SEC24B: variants seen among roughly 807,000 people sequenced by gnomAD.
The protein encoded by SEC24B is SEC24 homolog B, COPII component.
Under a neutral mutation model 142.8 loss-of-function variants are expected in SEC24B, and 45 were observed. The observed-to-expected ratio is 0.32, with a 90% CI of 0.25 to 0.40. The LOEUF is 0.40. Ranked by LOEUF, SEC24B falls within the 10% of genes least tolerant of loss-of-function variation. The probability of loss-of-function intolerance (pLI) is 1.00; values close to 1 mark genes in which losing one functional copy is unlikely to be tolerated. For synonymous variants in SEC24B, 574 were observed against 568.2 expected (o/e 1.01, Z -0.15); for missense variants, 1,409 against 1,526.8 (o/e 0.92, Z 1.29).
At chr4:109,524,548 T>G (rs1724007201) in intron 14 of SEC24B, among the ~76,000 whole-genome samples, 1 of 152,174 alleles carries the variant, frequency 6.6e-6, no homozygotes, top group Non-Finnish European at 1.5e-5. Context: ...AGTTATTGCC[T>G]CAGTTTCTTC....
In SEC24B at chr4:109,540,834, A is replaced by T. The variant is rs1442332384; in HGVS notation, c.*1159A>T. Reference sequence around the variant, plus strand: ...GAGGCTGAGGTTGCAGTGAGCTAAGATCACGCCACTGCACTCCAGCCTGGG... The same window carrying T: ...GAGGCTGAGGTTGCAGTGAGCTAAGTTCACGCCACTGCACTCCAGCCTGGG... On this transcript the variant is annotated 3_prime_UTR_variant, in exon 24 of 24. Coordinates refer to ENST00000265175, the MANE Select transcript of SEC24B (RefSeq NM_006323.5). 6.6e-6 allele frequency: 1 copy of T among 152,044 alleles called. No homozygotes were observed. The highest frequency in any genetic ancestry group is 1.5e-5 in the Non-Finnish European group (1 of 68,060). The allele number at this position is 152,044 out of a possible 1,614,324, so 9.4% of individuals were successfully genotyped here.
At chr4:109,534,986 C>CT (rs2126104184) in intron 22 of SEC24B, among the ~76,000 whole-genome samples, 1 of 151,160 alleles carries the variant, frequency 6.6e-6, no homozygotes, top group African/African-American at 2.4e-5. Context: ...CCAGTTTGTT[C>CT]TTTTTTATGA....
At chr4:109,442,279 G>A (rs962686365) in intron 1 of SEC24B, among the ~76,000 whole-genome samples, 1 of 152,144 alleles carries the variant, frequency 6.6e-6, no homozygotes, top group Non-Finnish European at 1.5e-5. Context: ...TACTCCTTCA[G>A]CTGCGGATTA....
At chr4:109,472,153 G>T (rs1471664205) in intron 2 of SEC24B, among the ~76,000 whole-genome samples, 1 of 152,106 alleles carries the variant, frequency 6.6e-6, no homozygotes, top group East Asian at 1.9e-4. Flanking sequence ...AACTAAGGTT[G>T]TTTACATATA....
Position 109,526,292 on chromosome 4 carries a change from A to G in SEC24B, c.2858A>G (p.Asn953Ser), listed in dbSNP as rs1161428211. ...VRSTDLLSLA[N>S]INPDAGFAVQ... ...TCTACTGATTTGTTATCCCTTGCCAACATCAATCCTGATGCTGGATTTGCG... is the reference window on the plus strand; with the variant it reads ...TCTACTGATTTGTTATCCCTTGCCAGCATCAATCCTGATGCTGGATTTGCG... Residue 953 changes from asparagine (N) to serine (S), a missense_variant, in exon 17 of 24, where the codon AAC becomes AGC. By Grantham distance (46) the Asn-to-Ser change is conservative. This residue lies in a region of SEC24B where 700 missense variants were observed against 853.3 expected (regional missense o/e 0.82). Coordinates refer to ENST00000265175, the MANE Select transcript of SEC24B (RefSeq NM_006323.5). 1.9e-6 allele frequency: 3 copies of G among 1,613,622 alleles called. No homozygotes were observed. Among genetic ancestry groups the G allele is most frequent in the Admixed American group, 1.7e-5 (1 of 59,994 alleles).
intron 11 of SEC24B, 29 bp downstream of exon 11, chr4:109,516,669 A>T: frequency 8.3e-7 from 1 of 1,204,228 alleles, no homozygotes; most frequent in Non-Finnish European, 1.2e-6. Context: ...CATACTATAC[A>T]TATGTGTATG....
chr4:109,447,532 T>C (rs1729595750), intron 1 of SEC24B, among the ~76,000 whole-genome samples: 1 of 152,178 alleles, frequency 6.6e-6, no homozygotes, highest in Non-Finnish European at 1.5e-5. Context: ...CAGTATTTTT[T>C]TCCCACCAGC....
chr4:109,536,976 AATCTT>A (rs1347874359), intron 22 of SEC24B, among the ~76,000 whole-genome samples: 1 of 152,126 alleles, frequency 6.6e-6, no homozygotes, highest in Non-Finnish European at 1.5e-5. Flanking sequence ...CAAACAATAA[AATCTT>A]AAGATTATCT....
chr4:109,471,814 C>T (rs1675209829), intron 2 of SEC24B, among the ~76,000 whole-genome samples: 1 of 152,132 alleles, frequency 6.6e-6, no homozygotes, highest in Admixed American at 6.5e-5. Context: ...AAGGTGTAAG[C>T]TGCAGTGTCC....
intron 3 of SEC24B, among the ~76,000 whole-genome samples, chr4:109,479,760 T>TTGTCAGAAGAA: frequency 6.6e-6 from 1 of 152,314 alleles, no homozygotes; most frequent in South Asian, 2.1e-4. Context: ...ATTGGGCTTT[T>TTGTCAGAAGAA]TGTCAGAAGA....
chr4:109,516,510 T>C lies in SEC24B; in HGVS notation c.2014-18T>C, dbSNP rs1341469004. The C allele has an allele frequency of 1.9e-5, 28 of 1,495,468 alleles. No homozygotes were observed. Among genetic ancestry groups the C allele is most frequent in the Non-Finnish European group, 2.2e-5 (24 of 1,086,874 alleles). 92.6% of individuals were successfully genotyped at this position (1,495,468 alleles called of 1,614,324 possible). ...ATTGTACCTACCAAATAACTTACTT[T>C]ATTTTTATTCCTTTCAGCTGCGTCC... On this transcript the variant is annotated intron_variant, in intron 10 of 23. Coordinates refer to ENST00000265175, the MANE Select transcript of SEC24B (RefSeq NM_006323.5).
chr4:109,531,038 TA>T (rs1724878120), intron 19 of SEC24B, among the ~76,000 whole-genome samples: 1 of 152,192 alleles, frequency 6.6e-6, no homozygotes, highest in African/African-American at 2.4e-5. Context: ...AGCTCACTCT[TA>T]ATATGTCCTC....
chr4:109,482,615 G>A (rs535932541), intron 4 of SEC24B, among the ~76,000 whole-genome samples: 1 of 151,840 alleles, frequency 6.6e-6, no homozygotes, highest in South Asian at 2.1e-4. Context: ...AGATAATTTT[G>A]TACTATATAT....
chr4:109,533,379 G>A (rs891149559), intron 21 of SEC24B, among the ~76,000 whole-genome samples: 10 of 152,126 alleles, frequency 6.6e-5, no homozygotes, highest in African/African-American at 2.4e-4. Flanking sequence ...AGTGCAAAAG[G>A]TAAAATATAT....
chr4:109,533,740 T>A, intron 22 of SEC24B, 55 bp downstream of exon 22: 1 of 1,063,736 alleles, frequency 9.4e-7, no homozygotes, highest in Admixed American at 2.1e-5. Context: ...TTTTTATTGA[T>A]GTAAAATTCA....
At chr4:109,487,647 T>A (rs540869917) in intron 4 of SEC24B, among the ~76,000 whole-genome samples, 1 of 152,268 alleles carries the variant, frequency 6.6e-6, no homozygotes, top group Non-Finnish European at 1.5e-5. Flanking sequence ...AGTAATGGCA[T>A]GACCTCTGAT....
intron 10 of SEC24B, 25 bp from the exon 11 acceptor site, chr4:109,516,503 C>G (rs752832869): frequency 1.4e-6 from 2 of 1,394,862 alleles, no homozygotes; most frequent in South Asian, 2.5e-5. Flanking sequence ...TACCAAATAA[C>G]TTACTTTATT....
chr4:109,537,635 C>G (rs745742078), intron 22 of SEC24B, among the ~76,000 whole-genome samples: 2 of 151,918 alleles, frequency 1.3e-5, no homozygotes, highest in South Asian at 2.1e-4. Context: ...TCTGGGCAAC[C>G]TAGCAAGACC....
At chr4:109,477,299 AC>A (rs974639323) in intron 3 of SEC24B, among the ~76,000 whole-genome samples, 10 of 151,914 alleles carry the variant, frequency 6.6e-5, no homozygotes, top group Non-Finnish European at 1.3e-4. Flanking sequence ...AATATAGCTT[AC>A]CATACTTTTT....
Sources: allele counts gnomAD v4.1 joint callset (sites outside exome capture counted in the v4.1 genomes callset), GRCh38; gene constraint gnomAD v4.1.1; regional missense constraint gnomAD v4.1.1; transcripts MANE v1.5; gene names NCBI Gene and HGNC (gene_info 2026-07-23, HGNC 2026-07-21).